PHF11: variants seen among roughly 807,000 people sequenced by gnomAD.
The protein encoded by PHF11 is PHD finger protein 11.
A neutral mutation model predicts 40.5 loss-of-function variants in PHF11; 38 were observed. That is an observed-to-expected ratio of 0.94 (90% CI 0.72 to 1.23). The LOEUF (loss-of-function observed/expected upper bound fraction) is 1.23, where lower values mean the gene tolerates loss of function less well. Among genes scored for constraint, PHF11 ranks in the 50% most tolerant of loss-of-function variants. The pLI, the probability that PHF11 is intolerant of heterozygous loss-of-function variation, is 0.00. For missense variants in PHF11, 369 were observed against 392.4 expected (o/e 0.94, Z 0.50); for synonymous variants, 127 against 138.2 (o/e 0.92, Z 0.57).
chr13:49,496,346 C>T, intron 1 of PHF11: 1 of 1,098,452 alleles, frequency 9.1e-7, no homozygotes, highest in African/African-American at 1.6e-5. Context: ...CCCATGGTTT[C>T]GCGCGAGTGG....
chr13:49,522,510 T>C (rs934698731), intron 6 of PHF11, among the ~76,000 whole-genome samples: 1 of 152,146 alleles, frequency 6.6e-6, no homozygotes, highest in Non-Finnish European at 1.5e-5. Flanking sequence ...AGCCAAGTAT[T>C]TCCCAGCTGC....
Position 49,528,530 on chromosome 13 carries a change from T to C in PHF11, c.861T>C (p.His287=). The C allele has an allele frequency of 2.5e-6, 4 of 1,601,834 alleles. No individual in the cohort carries two copies. The highest frequency in any genetic ancestry group is 3.4e-6 in the Non-Finnish European group (4 of 1,175,638). ...TCATAGCAATAGAGAAAAAAATTCA[T>C]GCATCTCAACAAAGGTGGCAGCAGT... ...NFQAAIEKKI[H]ASQQRWQQLK... Residue 287 remains histidine, a synonymous_variant, in exon 10 of 10, where the codon CAT becomes CAC. Coordinates refer to ENST00000378319, the MANE Select transcript of PHF11 (RefSeq NM_001040443.3).
chr13:49,510,751 G>A (rs570727704), intron 2 of PHF11, among the ~76,000 whole-genome samples: 19 of 152,316 alleles, frequency 1.2e-4, no homozygotes, highest in African/African-American at 3.6e-4. Flanking sequence ...GATTAGAGGC[G>A]TGAGCTACCG....
intron 8 of PHF11, among the ~76,000 whole-genome samples, chr13:49,525,584 T>C (rs1376781198): frequency 6.6e-6 from 1 of 152,102 alleles, no homozygotes; most frequent in African/African-American, 2.4e-5. Flanking sequence ...CCCATGAGTT[T>C]AAAACCTTTA....
chr13:49,497,861 A>G (rs1019360574), intron 1 of PHF11, among the ~76,000 whole-genome samples: 9 of 152,074 alleles, frequency 5.9e-5, no homozygotes, highest in Admixed American at 1.3e-4. Flanking sequence ...TCCATTTGCT[A>G]TTCTCTGCAA....
chr13:49,525,303 A>C (rs9568236), intron 8 of PHF11, among the ~76,000 whole-genome samples: 18,803 of 152,212 alleles, frequency 0.12, 1,523 homozygotes, highest in East Asian at 0.33. Context: ...GCTGAAGTGC[A>C]GTGGCATGAT....
rs555967178 is a variant in PHF11, at chr13:49,513,416, C to T, written c.324+250C>T. ...CACGGTCTCAGCTCACTGCAACCTC[C>T]GCCTCCTGGGTTCAAGCGATTCTCC... On this transcript the variant is annotated intron_variant, in intron 3 of 9. Transcript: ENST00000378319. Among the ~76,000 whole-genome samples the T allele has an allele frequency of 1.0e-3, 151 of 151,498 alleles. 1 individual carries two copies. Among genetic ancestry groups the T allele is most frequent in the African/African-American group, 3.4e-3 (142 of 41,242 alleles).
rs1021198938 is a variant in PHF11 at position 49,518,720 on chromosome 13, G to A, written c.458+569G>A. The A allele has an allele frequency of 2.6e-5, 4 of 152,334 alleles. 1 individual carries two copies. The South Asian group carries it at 8.3e-4, about 32-fold the overall frequency. 9.4% of individuals were successfully genotyped at this position (152,334 alleles called of 1,614,324 possible). A position where few individuals can be genotyped will look rare whatever the true frequency, so the allele number is the denominator to read the frequency against. On this transcript the variant is annotated intron_variant, in intron 4 of 9. Transcript: ENST00000378319. ...TACACAGCTGGTCAGTGGCAGAGCT[G>A]GGCTGCAGGACTTCCAAGTCCTCGC...
At chr13:49,501,091 G>A (rs945305563) in intron 1 of PHF11, among the ~76,000 whole-genome samples, 9 of 133,720 alleles carry the variant, frequency 6.7e-5, no homozygotes, top group African/African-American at 1.7e-4. Context: ...TCGGCTCACC[G>A]CAACCTCCAC....
chr13:49,520,742 C>T lies in PHF11; in HGVS notation c.459-152C>T, dbSNP rs1051007951. The T allele has an allele frequency of 2.3e-5, 13 of 562,550 alleles. No individual in the cohort carries two copies. The South Asian group carries it at 3.1e-4, about 13-fold the overall frequency. 34.8% of individuals were successfully genotyped at this position (562,550 alleles called of 1,614,324 possible). The stretch of plus-strand genomic sequence containing the variant: ...GTCTCCATCTGCACTCAGTGTGGGT[C>T]ACTAATTTTACACAGGGCTTCAAAA... On this transcript the variant is annotated intron_variant, in intron 4 of 9. Coordinates refer to ENST00000378319, the MANE Select transcript of PHF11 (RefSeq NM_001040443.3).
At chr13:49,513,290 G>A in intron 3 of PHF11, 124 bp downstream of exon 3, 1 of 565,904 alleles carries the variant, frequency 1.8e-6, no homozygotes, top group Non-Finnish European at 3.1e-6. Context: ...GGAAGAAGTA[G>A]GAACTGTATT....
rs566265475 is a variant in PHF11 at position 49,516,119 on chromosome 13, T to C, written c.325-1899T>C. On this transcript the variant is annotated intron_variant, in intron 3 of 9. Coordinates refer to ENST00000378319, the MANE Select transcript of PHF11 (RefSeq NM_001040443.3). Reference sequence around the variant, plus strand: ...AGCTTCCATATCACCTCCTTAGAGGTGACCCATTTTACTAACTGCCCAGTC... The same window carrying C: ...AGCTTCCATATCACCTCCTTAGAGGCGACCCATTTTACTAACTGCCCAGTC... 3.9e-5 allele frequency among the ~76,000 whole-genome samples: 6 copies of C among 152,292 alleles called. 1 individual carries two copies. In the South Asian group the frequency reaches 1.2e-3, roughly 32 times the overall value.
intron 9 of PHF11, 106 bp from the exon 10 acceptor site, chr13:49,528,405 G>T: frequency 1.3e-6 from 1 of 760,772 alleles, no homozygotes; most frequent in Non-Finnish European, 2.1e-6. Context: ...CCAGAGGCAC[G>T]AGGATTGTGT....
At chr13:49,496,363 C>G in intron 1 of PHF11, 3 of 1,147,216 alleles carry the variant, frequency 2.6e-6, no homozygotes, top group Non-Finnish European at 3.2e-6. Flanking sequence ...GTGGTGGGCA[C>G]GCTTCGGTTT....
In PHF11 at chr13:49,506,631, A is replaced by G. The variant is rs1958994703; in HGVS notation, c.95-4A>G. On this transcript the variant is annotated splice_polypyrimidine_tract_variant and splice_region_variant and intron_variant, in intron 1 of 9. Transcript: ENST00000378319. ...CCATTTCTCACCAGGGATATTACTT[A>G]TAGGTGTCTTTCAGGTTGCAGAAAA... 1.9e-6 allele frequency: 3 copies of G among 1,613,254 alleles called. No individual in the cohort carries two copies. Among genetic ancestry groups the G allele is most frequent in the Non-Finnish European group, 2.5e-6 (3 of 1,179,540 alleles).
At chr13:49,521,436 T>C (rs2139070874) in intron 5 of PHF11, 1 of 986,386 alleles carries the variant, frequency 1.0e-6, no homozygotes, top group Non-Finnish European at 1.2e-6. Flanking sequence ...GCAATGTTCA[T>C]TGTGAAGTGG....
intron 3 of PHF11, among the ~76,000 whole-genome samples, chr13:49,517,593 C>T (rs561323196): frequency 2.7e-5 from 4 of 150,854 alleles, no homozygotes; most frequent in South Asian, 4.2e-4. Context: ...GTTCTGAGTC[C>T]GAAAGAGAAA....
At chr13:49,506,905 T>C in intron 2 of PHF11, 149 bp downstream of exon 2, 3 of 505,186 alleles carry the variant, frequency 5.9e-6, no homozygotes, top group African/African-American at 2.2e-5. Context: ...TTTCTTTTTT[T>C]TTTTTTTTTT....
chr13:49,500,076 T>G (rs1457370777), intron 1 of PHF11, among the ~76,000 whole-genome samples: 1 of 152,206 alleles, frequency 6.6e-6, no homozygotes, highest in East Asian at 1.9e-4. Context: ...AATCACTGTG[T>G]TGTTTGAATT....
Sources: allele counts gnomAD v4.1 joint callset (sites outside exome capture counted in the v4.1 genomes callset), GRCh38; gene constraint gnomAD v4.1.1; transcripts MANE v1.5; gene names NCBI Gene and HGNC (gene_info 2026-07-23, HGNC 2026-07-21).